Variants in HPD observed in about 807,000 individuals in gnomAD.
The protein encoded by HPD is 4-hydroxyphenylpyruvate dioxygenase, also known as 4-hydroxyphenylpyruvic acid oxidase.
A neutral mutation model predicts 56.9 loss-of-function variants in HPD; 35 were observed. The observed-to-expected ratio is 0.62, with a 90% CI of 0.47 to 0.82. HPD has a LOEUF of 0.82. Ranked by LOEUF, HPD falls within the 40% of genes least tolerant of loss-of-function variation. The pLI is 0.00. For missense variants in HPD, 442 were observed against 506.8 expected (o/e 0.87, Z 1.23); for synonymous variants, 186 against 200.2 (o/e 0.93, Z 0.60).
chr12:121,844,871 ACT>A (rs1206707269), intron 11 of HPD, among the ~76,000 whole-genome samples: 2 of 151,468 alleles, frequency 1.3e-5, no homozygotes, highest in East Asian at 3.9e-4. Flanking sequence ...ACAGAGCGAG[ACT>A]CTGTCTCAAA....
chr12:121,839,720 GGCGGGGCTTACA>G lies in HPD; in HGVS notation c.1178_*7del. The G allele has an allele frequency of 6.3e-7, 1 of 1,598,534 alleles. No individual in the cohort carries two copies. Among genetic ancestry groups the G allele is most frequent in the Non-Finnish European group, 8.6e-7 (1 of 1,165,806 alleles). On this transcript the variant is annotated stop_lost and 3_prime_UTR_variant, in exon 14 of 14. Coordinates refer to ENST00000289004, the MANE Select transcript of HPD (RefSeq NM_002150.3). ...GTGTGGCTGTGGCCTCCGTGGGGTG[GGCGGGGCTTACA>G]TGCCGGGCACCACCCCATTGGTCTC...
chr12:121,872,897 G>C, the HPD span, among the ~76,000 whole-genome samples: 5 of 152,048 alleles, frequency 3.3e-5, no homozygotes, highest in Admixed American at 6.6e-5. Context: ...ACTTGTTCCA[G>C]GCAGAAACAA....
At chr12:121,877,640 C>T in the HPD span, among the ~76,000 whole-genome samples, 1 of 151,950 alleles carries the variant, frequency 6.6e-6, no homozygotes, top group Admixed American at 6.6e-5. Context: ...GGCTGAGGCA[C>T]CAGAATAGCT....
chr12:121,854,889 G>T, intron 6 of HPD, 97 bp from the exon 7 acceptor site: 1 of 902,342 alleles, frequency 1.1e-6, no homozygotes, highest in Non-Finnish European at 1.9e-6. Context: ...TGGTCCTGCA[G>T]GCCCCTCCAG....
intron 7 of HPD, among the ~76,000 whole-genome samples, chr12:121,852,797 G>C (rs1257100218): frequency 6.6e-6 from 1 of 151,656 alleles, no homozygotes; most frequent in Non-Finnish European, 1.5e-5. Flanking sequence ...ACCATGCCTG[G>C]CTAACTTTTG....
At chr12:121,874,865 G>A in the HPD span, among the ~76,000 whole-genome samples, 6 of 151,718 alleles carry the variant, frequency 4.0e-5, no homozygotes, top group South Asian at 8.3e-4. Flanking sequence ...GGGTTCAAGC[G>A]ATTCCCTTGC....
rs576713618 is a variant in HPD at position 121,853,968 on chromosome 12, G to A, written c.414+735C>T. Among the ~76,000 whole-genome samples the A allele has an allele frequency of 2.9e-5, 4 of 138,142 alleles. No individual in the cohort carries two copies. The South Asian group carries it at 9.3e-4, about 32-fold the overall frequency. The allele number at this position is 138,142 out of a possible 152,430, so 90.6% of individuals were successfully genotyped here. A position where few individuals can be genotyped will look rare whatever the true frequency, so the allele number is the denominator to read the frequency against. ...AAAAAGAATAAAAAAAAAAGAAAAAGGCCGGGCACAGTGGCCCACGCCTGT... is the reference window on the plus strand; with the variant it reads ...AAAAAGAATAAAAAAAAAAGAAAAAAGCCGGGCACAGTGGCCCACGCCTGT... On this transcript the variant is annotated intron_variant, in intron 7 of 13. Transcript: ENST00000289004.
At chr12:121,884,665 TC>T in the HPD span, among the ~76,000 whole-genome samples, 2 of 152,276 alleles carry the variant, frequency 1.3e-5, no homozygotes, top group African/African-American at 4.8e-5. Context: ...CTACCTTTTC[TC>T]TTTTTTTCTT....
At chr12:121,855,631 C>T (rs917496531) in intron 6 of HPD, among the ~76,000 whole-genome samples, 6 of 151,758 alleles carry the variant, frequency 4.0e-5, no homozygotes, top group Admixed American at 3.9e-4. Context: ...GCAGGAGAAT[C>T]GCTTGAACCC....
rs747384816 is a variant in HPD at position 121,840,022 on chromosome 12, G to A, written c.981C>T (p.Asp327=). 3.1e-6 allele frequency: 5 copies of A among 1,613,506 alleles called. No homozygotes were observed. The highest frequency in any genetic ancestry group is 3.3e-5 in the Admixed American group (2 of 59,988). ...LEELKILVDY[D]EKGYLLQIFT... ...AGATCTGCAGGAGGTAGCCTTTCTC[G>A]TCGTAGTCCACCAGGATTTTCAGCT... Residue 327 remains aspartate (D), a synonymous_variant, in exon 13 of 14, where the codon GAC becomes GAT. Transcript: ENST00000289004.
intron 7 of HPD, among the ~76,000 whole-genome samples, chr12:121,851,104 C>T (rs1366360244): frequency 1.3e-5 from 2 of 151,982 alleles, no homozygotes; most frequent in Non-Finnish European, 2.9e-5. Flanking sequence ...CTCAGGTGAT[C>T]CGCCCCCTTG....
the HPD span, among the ~76,000 whole-genome samples, chr12:121,870,294 CACA>C: frequency 1.3e-5 from 2 of 151,900 alleles, no homozygotes; most frequent in Admixed American, 6.6e-5. Context: ...TCATTAAATC[CACA>C]ACAACCCTGT....
the HPD span, among the ~76,000 whole-genome samples, chr12:121,884,881 CAAATATATA>C: frequency 6.6e-6 from 1 of 152,070 alleles, no homozygotes; most frequent in Non-Finnish European, 1.5e-5. Flanking sequence ...CTCTTGTCTA[CAAATATATA>C]TCTCTTTCTT....
At chr12:121,841,427 T>C (rs2515729) in intron 12 of HPD, among the ~76,000 whole-genome samples, 5 of 151,954 alleles carry the variant, frequency 3.3e-5, no homozygotes, top group Non-Finnish European at 4.4e-5. Context: ...CTAGATATAT[T>C]CCAAAGTGCA....
intron 8 of HPD, 59 bp downstream of exon 8, chr12:121,849,628 C>A: frequency 2.8e-6 from 3 of 1,086,518 alleles, no homozygotes; most frequent in South Asian, 2.5e-5. Flanking sequence ...GAGGAAGGGG[C>A]ATTACTTTTC....
In HPD at chr12:121,851,839, A is replaced by G. The variant is rs1359191266; in HGVS notation, c.415-2049T>C. Reference sequence around the variant, plus strand: ...ATTCTCCTGCCTCAGCCTCCCGAGTAGCTGGGACTACAGGCGCCCGCTACC... The same window carrying G: ...ATTCTCCTGCCTCAGCCTCCCGAGTGGCTGGGACTACAGGCGCCCGCTACC... On this transcript the variant is annotated intron_variant, in intron 7 of 13. Coordinates refer to ENST00000289004, the MANE Select transcript of HPD (RefSeq NM_002150.3). Among the ~76,000 whole-genome samples the G allele has an allele frequency of 4.0e-3, 110 of 27,434 alleles. 1 individual carries two copies. The highest frequency in any genetic ancestry group is 5.9e-3 in the Non-Finnish European group (72 of 12,156). The allele number at this position is 27,434 out of a possible 152,430, so 18.0% of individuals were successfully genotyped here.
the HPD span, among the ~76,000 whole-genome samples, chr12:121,882,139 G>A: frequency 3.9e-5 from 6 of 152,098 alleles, no homozygotes; most frequent in African/African-American, 1.4e-4. Flanking sequence ...TCATGAGCGA[G>A]CCTGCCACCT....
rs1435789899 is a variant in HPD, at chr12:121,857,376, C to T, written c.150G>A (p.Leu50=). The stretch of plus-strand genomic sequence containing the variant: ...TGACCACCTCCCGGGAACCGGTCTC[C>T]AGGCCCCTGTAGGCTAGAGGTTCAA... ...MGFEPLAYRG[L]ETGSREVVSH... is the part of the protein sequence containing the mutation. Residue 50 remains leucine (L), a synonymous_variant, in exon 4 of 14, where the codon CTG becomes CTA. Transcript: ENST00000289004. 1.9e-6 allele frequency: 3 copies of T among 1,614,056 alleles called. No homozygotes were observed. The highest frequency in any genetic ancestry group is 2.2e-5 in the South Asian group (2 of 91,086).
the HPD span, among the ~76,000 whole-genome samples, chr12:121,887,766 G>A: frequency 6.6e-6 from 1 of 152,248 alleles, no homozygotes; most frequent in African/African-American, 2.4e-5. Context: ...TATTCCCCAT[G>A]TGTATTTCAC....
Sources: gnomAD v4.1 joint callset for allele counts (sites outside exome capture counted in the v4.1 genomes callset) on GRCh38, gnomAD v4.1.1 for gene constraint, MANE v1.5 for transcripts, NCBI Gene and HGNC (gene_info 2026-07-23, HGNC 2026-07-21) for gene names.